Variants in PLXNA2 observed in about 807,000 individuals in gnomAD.
The protein encoded by PLXNA2 is plexin-A2.
PLXNA2 carries 91 observed loss-of-function variants against 193.5 expected under a neutral mutation model. That is an observed-to-expected ratio of 0.47 (90% CI 0.40 to 0.56). The LOEUF (loss-of-function observed/expected upper bound fraction) is 0.56, where lower values mean the gene tolerates loss of function less well. Ranked by LOEUF, PLXNA2 falls within the 20% of genes least tolerant of loss-of-function variation. The probability of loss-of-function intolerance (pLI) is 0.00; values close to 1 mark genes in which losing one functional copy is unlikely to be tolerated. For synonymous variants in PLXNA2, 997 were observed against 1,027.3 expected (o/e 0.97, Z 0.56); for missense variants, 1,995 against 2,503.2 (o/e 0.80, Z 4.33).
Position 208,207,766 on chromosome 1 carries a change from G to A in PLXNA2, c.1371+2514C>T, listed in dbSNP as rs945987889. ...GGTGGGAGCAAGTAAGCTGGTAGATGGGAGGCCAGCAGGGGCCTGGGTATG... is the reference window on the plus strand; with the variant it reads ...GGTGGGAGCAAGTAAGCTGGTAGATAGGAGGCCAGCAGGGGCCTGGGTATG... On this transcript the variant is annotated intron_variant, in intron 3 of 31. Transcript: ENST00000367033. 2.0e-5 allele frequency among the ~76,000 whole-genome samples: 3 copies of A among 152,162 alleles called. No homozygotes were observed. The East Asian group carries it at 5.8e-4, about 29-fold the overall frequency.
intron 21 of PLXNA2, 27 bp from the exon 22 acceptor site, chr1:208,042,393 G>A (rs759615094): frequency 1.4e-5 from 22 of 1,603,636 alleles, no homozygotes; most frequent in South Asian, 1.0e-4. Context: ...TGGAGGCGAC[G>A]CCCTCAGAGG....
At chr1:208,170,885 T>G (rs1215611397) in intron 3 of PLXNA2, among the ~76,000 whole-genome samples, 2 of 152,224 alleles carry the variant, frequency 1.3e-5, no homozygotes, top group Non-Finnish European at 2.9e-5. Context: ...TCAAGAATCC[T>G]ACAATCCAGT....
intron 2 of PLXNA2, among the ~76,000 whole-genome samples, chr1:208,215,215 C>T (rs928280528): frequency 3.3e-5 from 5 of 152,192 alleles, no homozygotes; most frequent in African/African-American, 7.2e-5. Flanking sequence ...AGGCTGGTCT[C>T]GAACTCCTGA....
chr1:208,121,947 T>C (rs1667818821), intron 4 of PLXNA2, among the ~76,000 whole-genome samples: 1 of 151,976 alleles, frequency 6.6e-6, no homozygotes, highest in African/African-American at 2.4e-5. Flanking sequence ...CACATTCATG[T>C]CCCACACAGT....
chr1:208,069,913 T>C (rs1459523285), intron 12 of PLXNA2, among the ~76,000 whole-genome samples: 2 of 152,250 alleles, frequency 1.3e-5, no homozygotes, highest in Non-Finnish European at 2.9e-5. Context: ...TTACATATTT[T>C]ATCCCACTAA....
At chr1:208,174,282 G>A (rs998760617) in intron 3 of PLXNA2, among the ~76,000 whole-genome samples, 1 of 152,154 alleles carries the variant, frequency 6.6e-6, no homozygotes, top group African/African-American at 2.4e-5. Context: ...ATGGTTGTGT[G>A]TGGGGTTGGG....
intron 29 of PLXNA2, chr1:208,030,392 A>C: frequency 1.3e-5 from 13 of 985,674 alleles, no homozygotes; most frequent in Middle Eastern, 5.2e-4. Flanking sequence ...TTTCCCCTGA[A>C]GTGCCCTCTC....
intron 12 of PLXNA2, 79 bp from the exon 13 acceptor site, chr1:208,060,916 GAGGTTTAAGAACCTCCAT>G: frequency 7.2e-7 from 1 of 1,379,882 alleles, no homozygotes; most frequent in Non-Finnish European, 1.0e-6. Flanking sequence ...CTCCCCCAGG[GAGGTTTAAGAACCTCCAT>G]AGGTTCTTAA....
intron 9 of PLXNA2, 30 bp downstream of exon 9, chr1:208,092,756 C>CACTGG (rs1666757072): frequency 1.3e-6 from 2 of 1,512,518 alleles, no homozygotes; most frequent in South Asian, 2.3e-5. Context: ...TCACTGGGAA[C>CACTGG]ACTGCCATGT....
chr1:208,029,340 C>A (rs1308726340), intron 29 of PLXNA2: 2 of 1,200,430 alleles, frequency 1.7e-6, no homozygotes, highest in Admixed American at 7.5e-5. Context: ...GGACTCTGTG[C>A]CCCTAGGCAA....
chr1:208,079,669 G>A (rs1666271865), intron 11 of PLXNA2, among the ~76,000 whole-genome samples: 3 of 152,296 alleles, frequency 2.0e-5, no homozygotes, highest in Non-Finnish European at 4.4e-5. Flanking sequence ...TAAGAATTCT[G>A]GCTCTAGATT....
chr1:208,039,054 C>A, intron 24 of PLXNA2, 70 bp from the exon 25 acceptor site: 1 of 1,397,182 alleles, frequency 7.2e-7, no homozygotes, highest in Non-Finnish European at 9.8e-7. Flanking sequence ...GGGTCAGGAC[C>A]TCAGAATCTT....
chr1:208,048,762 A>C (rs1665159064), intron 17 of PLXNA2, among the ~76,000 whole-genome samples: 1 of 151,848 alleles, frequency 6.6e-6, no homozygotes, highest in Non-Finnish European at 1.5e-5. Flanking sequence ...TCACGTACTC[A>C]CTCTCCAGAA....
intron 3 of PLXNA2, among the ~76,000 whole-genome samples, chr1:208,155,404 T>C (rs486753): frequency 0.77 from 116,918 of 152,014 alleles, 45,809 homozygotes; most frequent in Middle Eastern, 0.89. Context: ...CCTTAAAAAG[T>C]GCTGAAAGGA....
chr1:208,042,464 T>A, intron 21 of PLXNA2, 98 bp from the exon 22 acceptor site: 1 of 1,330,322 alleles, frequency 7.5e-7, no homozygotes, highest in Non-Finnish European at 1.0e-6. Context: ...TGACACTAGC[T>A]GTAGGACCCT....
In PLXNA2 at chr1:208,031,655, T is replaced by C. The variant is rs754297836; in HGVS notation, c.5160A>G (p.Leu1720=). 1.5e-5 allele frequency: 25 copies of C among 1,613,718 alleles called. No homozygotes were observed. Among genetic ancestry groups the C allele is most frequent in the Admixed American group, 1.5e-4 (9 of 59,956 alleles). ...PLAIKYMFDF[L]DEQADRHSIH... ...TGCTGTGCCTGTCTGCCTGCTCATC[T>C]AGGAAATCAAACATGTACTTGATGG... The change falls in exon 29 of 32, where the codon CTA becomes CTG. Residue 1720 remains leucine, a synonymous_variant. Transcript: ENST00000367033.
intron 3 of PLXNA2, among the ~76,000 whole-genome samples, chr1:208,194,763 C>T (rs1182587060): frequency 6.6e-6 from 1 of 152,172 alleles, no homozygotes; most frequent in East Asian, 1.9e-4. Flanking sequence ...TCCTTCTTTG[C>T]TTTTGAATGC....
intron 1 of PLXNA2, among the ~76,000 whole-genome samples, chr1:208,226,297 C>A (rs1558255228): frequency 6.6e-6 from 1 of 152,158 alleles, no homozygotes; most frequent in Non-Finnish European, 1.5e-5. Context: ...CTCCTCCAGG[C>A]ACAAGCCCTG....
rs539572741 is a variant in PLXNA2, at chr1:208,147,710, T to A, written c.1372-5247A>T. 3.9e-5 allele frequency among the ~76,000 whole-genome samples: 6 copies of A among 152,342 alleles called. No individual in the cohort carries two copies. In the South Asian group the frequency reaches 1.2e-3, roughly 32 times the overall value. On this transcript the variant is annotated intron_variant, in intron 3 of 31. Coordinates refer to ENST00000367033, the MANE Select transcript of PLXNA2 (RefSeq NM_025179.4). ...TCACACAGCTGGAGAGTGGCGTAAC[T>A]GAGATTCCCAGCTAGAGCCTGAATT...
Sources: gnomAD v4.1 joint callset for allele counts (sites outside exome capture counted in the v4.1 genomes callset) on GRCh38, gnomAD v4.1.1 for gene constraint, MANE v1.5 for transcripts, NCBI Gene and HGNC (gene_info 2026-07-23, HGNC 2026-07-21) for gene names.